The following PDE11A variants were observed in gnomAD, a reference collection of about 807,000 sequenced individuals.
PDE11A encodes the protein dual 3',5'-cyclic-AMP and -GMP phosphodiesterase 11A.
In PDE11A, 100 loss-of-function variants were observed where a neutral mutation model predicts 100.5. The ratio of observed to expected loss-of-function variants is 1.00; its 90% CI spans 0.85 to 1.18. The LOEUF (loss-of-function observed/expected upper bound fraction) is 1.18, where lower values mean the gene tolerates loss of function less well. PDE11A is among the 50% of genes most tolerant of loss of function. The pLI, the probability that PDE11A is intolerant of heterozygous loss-of-function variation, is 0.00. For synonymous variants in PDE11A, 381 were observed against 420.8 expected, an observed-to-expected ratio of 0.91 and a Z score of 1.16; for missense variants, 1,141 against 1,152.6, an observed-to-expected ratio of 0.99 and a Z score of 0.15.
intron 9 of PDE11A, among the ~76,000 whole-genome samples, chr2:177,775,269 G>A (rs2082363106): frequency 6.6e-6 from 1 of 152,156 alleles, no homozygotes; most frequent in Non-Finnish European, 1.5e-5. Context: ...AGCAGCCACA[G>A]GAAACTAATA....
At chr2:177,772,359 C>A (rs992974519) in intron 9 of PDE11A, among the ~76,000 whole-genome samples, 1 of 152,076 alleles carries the variant, frequency 6.6e-6, no homozygotes, top group Non-Finnish European at 1.5e-5. Context: ...TAATGTGGCA[C>A]ACAAATAGCC....
At chr2:178,074,218 G>A (rs1224650666), upstream of PDE11A, among the ~76,000 whole-genome samples, 4 of 151,992 alleles carry the variant, frequency 2.6e-5, no homozygotes, top group South Asian at 4.2e-4. Flanking sequence ...AGATGGAGAG[G>A]AAGTGGGTGA....
intron 19 of PDE11A, 35 bp from the exon 20 acceptor site, chr2:177,629,597 G>C: frequency 6.2e-7 from 1 of 1,609,814 alleles, no homozygotes; most frequent in Non-Finnish European, 8.5e-7. Flanking sequence ...AGGTGGAGGA[G>C]AGAGGAAACA....
intron 1 of PDE11A, among the ~76,000 whole-genome samples, chr2:178,027,512 G>C (rs1471126872): frequency 6.6e-6 from 1 of 152,154 alleles, no homozygotes; most frequent in Non-Finnish European, 1.5e-5. Flanking sequence ...TCAAGCTGGA[G>C]GTGGGTCGAT....
intron 9 of PDE11A, among the ~76,000 whole-genome samples, chr2:177,796,058 A>G (rs2082704359): frequency 6.7e-6 from 1 of 150,074 alleles, no homozygotes; most frequent in South Asian, 2.1e-4. Context: ...TGATATATAT[A>G]TATCTTTGCT....
At chr2:177,647,876 T>C (rs1024760590) in intron 19 of PDE11A, among the ~76,000 whole-genome samples, 33 of 152,236 alleles carry the variant, frequency 2.2e-4, no homozygotes, top group Admixed American at 2.0e-3. Context: ...TTTGGGGGGC[T>C]GAGGTGGGAG....
intron 1 of PDE11A, among the ~76,000 whole-genome samples, chr2:178,107,688 T>G (rs2087636505): frequency 6.6e-6 from 1 of 151,488 alleles, no homozygotes; most frequent in Non-Finnish European, 1.5e-5. Flanking sequence ...ATTCAATCTA[T>G]AATCTTATAG....
intron 2 of PDE11A, among the ~76,000 whole-genome samples, chr2:178,096,420 G>A (rs943744688): frequency 2.0e-5 from 3 of 150,184 alleles, no homozygotes; most frequent in African/African-American, 2.5e-5. Flanking sequence ...TGATCCGCCC[G>A]CCTCGGCCTC....
chr2:177,724,060 T>C (rs1278280745), intron 12 of PDE11A, among the ~76,000 whole-genome samples: 1 of 152,162 alleles, frequency 6.6e-6, no homozygotes, highest in Non-Finnish European at 1.5e-5. Context: ...TGATCATTCA[T>C]CTGCAGGTTT....
upstream of PDE11A, among the ~76,000 whole-genome samples, chr2:178,073,352 C>G (rs952638203): frequency 1.3e-5 from 2 of 152,122 alleles, no homozygotes; most frequent in Non-Finnish European, 2.9e-5. Flanking sequence ...CCGATGTGAG[C>G]AATTCATGAC....
chr2:177,786,545 T>C (rs2082540677), intron 9 of PDE11A, among the ~76,000 whole-genome samples: 1 of 152,156 alleles, frequency 6.6e-6, no homozygotes, highest in South Asian at 2.1e-4. Context: ...GGAGAATGAC[T>C]TTGACGAGTT....
At chr2:177,792,984 G>T (rs1300111175) in intron 9 of PDE11A, among the ~76,000 whole-genome samples, 2 of 152,204 alleles carry the variant, frequency 1.3e-5, no homozygotes, top group African/African-American at 4.8e-5. Context: ...GTTGGTTAGG[G>T]ATGACCTCTT....
chr2:177,788,904 A>G (rs1454854436), intron 9 of PDE11A, among the ~76,000 whole-genome samples: 1 of 152,098 alleles, frequency 6.6e-6, no homozygotes, highest in Admixed American at 6.5e-5. Flanking sequence ...TCAATAGCTT[A>G]CCAAACAAAA....
chr2:178,024,784 A>AT (rs2086458487), intron 1 of PDE11A, among the ~76,000 whole-genome samples: 1 of 152,244 alleles, frequency 6.6e-6, no homozygotes, highest in Non-Finnish European at 1.5e-5. Flanking sequence ...ATCATTTAGT[A>AT]ATACTCATTT....
intron 19 of PDE11A, among the ~76,000 whole-genome samples, chr2:177,642,531 C>T (rs1196943507): frequency 2.6e-5 from 4 of 152,184 alleles, no homozygotes; most frequent in Non-Finnish European, 5.9e-5. Flanking sequence ...TCTGCCAGAA[C>T]TGTGGTATCC....
In PDE11A at chr2:177,773,189, T is replaced by A. The variant is rs139602946; in HGVS notation, c.1738-3816A>T. ...GAACACACCACCACGCCCAGGTAAT[T>A]TTTTTATAGAAACAGGGTTTCACTA... On this transcript the variant is annotated intron_variant, in intron 9 of 19. Transcript: ENST00000286063. 3.3e-3 allele frequency among the ~76,000 whole-genome samples: 498 copies of A among 152,158 alleles called. 5 individuals are homozygous for A. The East Asian group carries it at 0.046, about 14-fold the overall frequency.
intron 19 of PDE11A, among the ~76,000 whole-genome samples, chr2:177,652,078 T>G (rs773159941): frequency 3.3e-5 from 5 of 152,228 alleles, no homozygotes; most frequent in Non-Finnish European, 7.3e-5. Flanking sequence ...TTGCGCTTGC[T>G]TTGTTGCTGA....
chr2:177,837,784 G>C (rs1301588831), intron 6 of PDE11A, among the ~76,000 whole-genome samples: 1 of 152,158 alleles, frequency 6.6e-6, no homozygotes, highest in East Asian at 1.9e-4. Context: ...ATTGAGGCTT[G>C]TTGGTTTCAC....
At chr2:177,727,486 G>A (rs1263799503) in intron 12 of PDE11A, among the ~76,000 whole-genome samples, 172 bp downstream of exon 12, 2 of 152,132 alleles carry the variant, frequency 1.3e-5, no homozygotes, top group Non-Finnish European at 2.9e-5. Flanking sequence ...CAATGTTACA[G>A]CTTTCAAGCT....
Sources: allele counts gnomAD v4.1 joint callset (sites outside exome capture counted in the v4.1 genomes callset), GRCh38; gene constraint gnomAD v4.1.1; transcripts MANE v1.5; gene names NCBI Gene and HGNC (gene_info 2026-07-23, HGNC 2026-07-21).